ANO6: variants seen among roughly 807,000 people sequenced by gnomAD.
The protein encoded by ANO6 is anoctamin-6.
In ANO6, 106 loss-of-function variants were observed where a neutral mutation model predicts 117.5. That is an observed-to-expected ratio of 0.90 (90% confidence interval 0.77 to 1.06). The LOEUF (loss-of-function observed/expected upper bound fraction) is 1.06. Among genes scored for constraint, ANO6 ranks in the 50% least tolerant of loss-of-function variants. ANO6 has a pLI of 0.00. For missense variants in ANO6, 955 were observed against 1,121.1 expected (o/e 0.85, Z 2.12); for synonymous variants, 367 against 385.1 (o/e 0.95, Z 0.55).
At chr12:45,224,008 A>G (rs1204826521) in intron 1 of ANO6, among the ~76,000 whole-genome samples, 1 of 152,162 alleles carries the variant, frequency 6.6e-6, no homozygotes, top group Non-Finnish European at 1.5e-5. Flanking sequence ...TATCTGTTCT[A>G]AAAATGCTGA....
At chr12:45,399,281 C>A (rs775226300) in intron 12 of ANO6, among the ~76,000 whole-genome samples, 2 of 152,158 alleles carry the variant, frequency 1.3e-5, no homozygotes, top group Non-Finnish European at 2.9e-5. Context: ...CTGCAACCTC[C>A]GCCTCCCGCG....
intron 2 of ANO6, among the ~76,000 whole-genome samples, chr12:45,316,367 T>C (rs1260492715): frequency 1.3e-5 from 2 of 152,156 alleles, no homozygotes; most frequent in East Asian, 3.9e-4. Flanking sequence ...TGTGAGCATA[T>C]AAGGAGTAAA....
intron 1 of ANO6, among the ~76,000 whole-genome samples, chr12:45,271,342 T>A (rs1022961138): frequency 6.6e-6 from 1 of 152,216 alleles, no homozygotes. Context: ...AAGGACTGAA[T>A]TATTATTTGG....
chr12:45,424,991 T>C (rs554644026), intron 19 of ANO6, among the ~76,000 whole-genome samples: 2 of 151,888 alleles, frequency 1.3e-5, no homozygotes, highest in South Asian at 4.2e-4. Context: ...AGGAAACAAC[T>C]GATTTGGACC....
intron 2 of ANO6, among the ~76,000 whole-genome samples, chr12:45,320,482 G>T (rs1212291758): frequency 6.6e-6 from 1 of 152,180 alleles, no homozygotes; most frequent in African/African-American, 2.4e-5. Flanking sequence ...TGGTCTGAGA[G>T]ACAGTTTGTT....
chr12:45,216,144 T>C lies in ANO6; in HGVS notation c.-178T>C. Reference sequence around the variant, plus strand: ...CGAGAGGCGTCCTCCGGCTCTGGGCTCCGGTCGGTGGGTGCCTCGGCTCGG... The same window carrying C: ...CGAGAGGCGTCCTCCGGCTCTGGGCCCCGGTCGGTGGGTGCCTCGGCTCGG... On this transcript the variant is annotated 5_prime_UTR_variant, in exon 1 of 20. Transcript: ENST00000320560. 2 of 664,638 alleles carry C rather than the reference T, an allele frequency of 3.0e-6. No homozygotes were observed. Among genetic ancestry groups the C allele is most frequent in the Non-Finnish European group, 5.1e-6 (2 of 390,954 alleles). 41.2% of individuals were successfully genotyped at this position (664,638 alleles called of 1,614,324 possible). A position where few individuals can be genotyped will look rare whatever the true frequency, so the allele number is the denominator to read the frequency against.
At chr12:45,438,645 C>T (rs913292248) in intron 19 of ANO6, among the ~76,000 whole-genome samples, 7 of 152,216 alleles carry the variant, frequency 4.6e-5, no homozygotes, top group South Asian at 2.1e-4. Flanking sequence ...TATCCTATTA[C>T]GTATATGTAA....
intron 16 of ANO6, among the ~76,000 whole-genome samples, chr12:45,414,262 T>G (rs1266448083): frequency 6.6e-6 from 1 of 152,028 alleles, no homozygotes; most frequent in East Asian, 1.9e-4. Flanking sequence ...CAAGGGTTGT[T>G]TTTTTTTCAG....
intron 1 of ANO6, among the ~76,000 whole-genome samples, chr12:45,241,953 G>A (rs1947750850): frequency 6.6e-6 from 1 of 152,192 alleles, no homozygotes; most frequent in African/African-American, 2.4e-5. Flanking sequence ...TCGTGCTAGA[G>A]GGACACCTGC....
Position 45,252,882 on chromosome 12 carries a change from TTA to T in ANO6, c.70+36492_70+36493del, listed in dbSNP as rs565358472. Reference sequence around the variant, plus strand: ...ATTATGGTAAGGATATAATCTTATATTAATCTCTTTAAGTCAGCTTTAAAGAT... The same window carrying T: ...ATTATGGTAAGGATATAATCTTATATATCTCTTTAAGTCAGCTTTAAAGAT... On this transcript the variant is annotated intron_variant, in intron 1 of 19. Coordinates refer to ENST00000320560, the MANE Select transcript of ANO6 (RefSeq NM_001025356.3). Among the ~76,000 whole-genome samples, 1,031 of 152,326 alleles carry T rather than the reference TTA, an allele frequency of 6.8e-3. 15 individuals carry two copies. Among genetic ancestry groups the T allele is most frequent in the African/African-American group, 0.023 (961 of 41,568 alleles).
intron 1 of ANO6, among the ~76,000 whole-genome samples, chr12:45,242,695 G>A (rs540571623): frequency 3.0e-4 from 45 of 152,062 alleles, no homozygotes; most frequent in South Asian, 6.2e-4. Context: ...GTTCCTATTC[G>A]GCCGTCTTGG....
chr12:45,284,494 T>C (rs1421391445), intron 1 of ANO6, among the ~76,000 whole-genome samples: 3 of 152,190 alleles, frequency 2.0e-5, no homozygotes, highest in Non-Finnish European at 4.4e-5. Flanking sequence ...AGAAAAACTT[T>C]TGCTTCTAAG....
At chr12:45,392,457 A>C (rs1942481333) in intron 12 of ANO6, among the ~76,000 whole-genome samples, 1 of 152,246 alleles carries the variant, frequency 6.6e-6, no homozygotes, top group Non-Finnish European at 1.5e-5. Flanking sequence ...ACTTCTGCAG[A>C]CTTAAATGTC....
chr12:45,217,062 C>G (rs1275363481), intron 1 of ANO6, among the ~76,000 whole-genome samples: 1 of 152,056 alleles, frequency 6.6e-6, no homozygotes, highest in Non-Finnish European at 1.5e-5. Flanking sequence ...TGGGGTGACC[C>G]ATTTCTAGTT....
At chr12:45,408,521 G>A (rs140880009) in intron 15 of ANO6, among the ~76,000 whole-genome samples, 8 of 152,298 alleles carry the variant, frequency 5.3e-5, no homozygotes, top group East Asian at 3.9e-4. Flanking sequence ...CAGTATCCAC[G>A]GGTGGACAGA....
At position 45,216,193 on chromosome 12, in the gene ANO6, C is replaced by G; in HGVS notation, c.-129C>G. On this transcript the variant is annotated 5_prime_UTR_variant, in exon 1 of 20. Transcript: ENST00000320560. The stretch of plus-strand genomic sequence containing the variant: ...GGCTTTCCCCGGCGCTGGCTGGGCT[C>G]AGCGGCCCCTGAGCCCAAGCGACAC... 9.1e-7 allele frequency: 1 copy of G among 1,095,788 alleles called. No homozygotes were observed. Among genetic ancestry groups the G allele is most frequent in the East Asian group, 2.6e-5 (1 of 38,200 alleles). The allele number at this position is 1,095,788 out of a possible 1,614,324, so 67.9% of individuals were successfully genotyped here.
chr12:45,240,151 G>A (rs1237957079), intron 1 of ANO6, among the ~76,000 whole-genome samples: 2 of 151,880 alleles, frequency 1.3e-5, no homozygotes, highest in East Asian at 3.9e-4. Flanking sequence ...TTATTGTGTG[G>A]GAGTCTAAGT....
intron 3 of ANO6, among the ~76,000 whole-genome samples, chr12:45,339,739 T>C (rs894334031): frequency 6.6e-6 from 1 of 152,086 alleles, no homozygotes; most frequent in Non-Finnish European, 1.5e-5. Context: ...AACTAATAAA[T>C]AGCACAGTAA....
intron 6 of ANO6, among the ~76,000 whole-genome samples, chr12:45,348,979 G>T (rs998473162): frequency 6.6e-5 from 10 of 152,140 alleles, no homozygotes; most frequent in Admixed American, 1.3e-4. Context: ...AAGTCATTTA[G>T]CCTTTCTTCC....
Sources: gnomAD v4.1 joint callset for allele counts (sites outside exome capture counted in the v4.1 genomes callset) on GRCh38, gnomAD v4.1.1 for gene constraint, MANE v1.5 for transcripts, NCBI Gene and HGNC (gene_info 2026-07-23, HGNC 2026-07-21) for gene names.